The following NKX6-3 variants were observed in gnomAD, a reference collection of about 807,000 sequenced individuals.
The protein encoded by NKX6-3 is homeobox protein Nkx-6.3.
In NKX6-3, 17 loss-of-function variants were observed where a neutral mutation model predicts 22.0. The ratio of observed to expected loss-of-function variants is 0.77; its 90% CI spans 0.53 to 1.16. The LOEUF (loss-of-function observed/expected upper bound fraction) is 1.16, where lower values mean the gene tolerates loss of function less well. NKX6-3 is among the 50% of genes most tolerant of loss of function. The pLI is 0.00. For missense variants in NKX6-3, 363 were observed against 359.0 expected, an observed-to-expected ratio of 1.01 and a Z score of -0.09; for synonymous variants, 177 against 167.2, an observed-to-expected ratio of 1.06 and a Z score of -0.45.
intron 2 of NKX6-3, among the ~76,000 whole-genome samples, chr8:41,647,513 C>G (rs942363705): frequency 3.3e-5 from 5 of 152,222 alleles, no homozygotes; most frequent in Non-Finnish European, 5.9e-5. Context: ...CTCCCTAGCC[C>G]TGGCGTGGGC....
intron 2 of NKX6-3, 115 bp from the exon 3 acceptor site, chr8:41,646,809 TCAC>T: frequency 1.4e-6 from 2 of 1,394,998 alleles, no homozygotes; most frequent in Non-Finnish European, 1.9e-6. Context: ...ACTGTCACAT[TCAC>T]GTTTCTGTTG....
In NKX6-3 at chr8:41,648,149, T is replaced by C; in HGVS notation, c.469A>G (p.Thr157Ala). The part of the protein sequence containing the change: ...TGHQIFALEK[T>A]FEQTKYLAGP... The stretch of plus-strand genomic sequence containing the variant: ...GCCAAGTACTTGGTCTGCTCAAAGG[T>C]TTTCTCCAGGGCAAAGATCTGGTGC... Residue 157 changes from threonine to alanine, a missense_variant, in exon 2 of 3, where the codon ACC (threonine) becomes GCC (alanine). Around this residue, in one of 3 missense-constraint regions of NKX6-3, gnomAD observed 169 missense variants for 155.8 expected, o/e 1.08. Transcript: ENST00000518699. 3 of 1,538,372 alleles carry C rather than the reference T, an allele frequency of 2.0e-6. No individual in the cohort carries two copies. The highest frequency in any genetic ancestry group is 2.6e-6 in the Non-Finnish European group (3 of 1,146,828).
At chr8:41,647,248 C>T (rs763544580) in intron 2 of NKX6-3, 24 of 1,611,366 alleles carry the variant, frequency 1.5e-5, no homozygotes, top group Non-Finnish European at 2.0e-5. Flanking sequence ...AGCTCTCGCC[C>T]CAGGGCAGCT....
chr8:41,647,766 GCT>G (rs1804242405), intron 2 of NKX6-3, among the ~76,000 whole-genome samples: 1 of 152,050 alleles, frequency 6.6e-6, no homozygotes, highest in African/African-American at 2.4e-5. Flanking sequence ...AGCTCTCCCA[GCT>G]CTCCCAGCCG....
chr8:41,646,470 G>A lies in NKX6-3; in HGVS notation c.777C>T (p.Ser259=), dbSNP rs1473517544. Residue 259 remains serine (S), a synonymous_variant, in exon 3 of 3, where the codon AGC becomes AGT. Transcript: ENST00000518699. ...RKHRAAFSVL[S]LGAHSV is the part of the protein sequence containing the mutation. The stretch of plus-strand genomic sequence containing the variant: ...GGCGTCAGACGCTGTGCGCTCCCAG[G>A]CTGAGCACCGAGAAGGCGGCGCGGT... 1 of 1,604,738 alleles carries A rather than the reference G, an allele frequency of 6.2e-7. No homozygotes were observed. The highest frequency in any genetic ancestry group is 1.1e-5 in the South Asian group (1 of 89,474).
At position 41,646,342 on chromosome 8, in the gene NKX6-3, G is replaced by A. The variant is rs1291553635; in HGVS notation, c.*107C>T. On this transcript the variant is annotated 3_prime_UTR_variant, in exon 3 of 3. Transcript: ENST00000518699. ...TCCACGCGCCCCTCATCCAAAGAAA[G>A]ACTCAGTCCCTGCGCCCCCAGGAGC... 1 of 1,269,716 alleles carries A rather than the reference G, an allele frequency of 7.9e-7. No individual in the cohort carries two copies. Among genetic ancestry groups the A allele is most frequent in the Non-Finnish European group, 1.1e-6 (1 of 935,316 alleles). 78.7% of individuals were successfully genotyped at this position (1,269,716 alleles called of 1,614,324 possible). A position where few individuals can be genotyped will look rare whatever the true frequency, so the allele number is the denominator to read the frequency against.
In NKX6-3 at chr8:41,650,416, A is replaced by G. The variant is rs1222389959; in HGVS notation, c.77T>C (p.Val26Ala). 1 of 1,535,542 alleles carries G rather than the reference A, an allele frequency of 6.5e-7. No individual in the cohort carries two copies. The highest frequency in any genetic ancestry group is 8.7e-7 in the Non-Finnish European group (1 of 1,146,728). Reference protein sequence around the residue: ...LAQFPEMKAPVCQYSVQNSFY... With the variant: ...LAQFPEMKAPACQYSVQNSFY... ...GGAGTTCTGCACAGAGTACTGGCAC[A>G]CCGGGGCCTTCATCTCCGGAAACTG... Residue 26 changes from valine (V) to alanine (A), a missense_variant, in exon 1 of 3, where the codon GTG (valine) becomes GCG (alanine). Coordinates refer to ENST00000518699, the MANE Select transcript of NKX6-3 (RefSeq NM_001364841.2).
At position 41,645,829 on chromosome 8, in the gene NKX6-3, C is replaced by T. The variant is rs1804188877; in HGVS notation, c.*620G>A. 1 of 152,788 alleles carries T rather than the reference C, an allele frequency of 6.5e-6. No homozygotes were observed. Among genetic ancestry groups the T allele is most frequent in the African/African-American group, 2.4e-5 (1 of 41,466 alleles). 9.5% of individuals were successfully genotyped at this position (152,788 alleles called of 1,614,324 possible). On this transcript the variant is annotated 3_prime_UTR_variant, in exon 3 of 3. Coordinates refer to ENST00000518699, the MANE Select transcript of NKX6-3 (RefSeq NM_001364841.2). ...TTCTCCACTGGGATGTCCCACTTCC[C>T]CTCCTGGAGGCAGATTTCCTGCAGC... is the stretch of plus-strand genomic sequence containing the variant.
In NKX6-3 at chr8:41,650,478, C is replaced by A. The variant is rs779958298; in HGVS notation, c.15G>T (p.Leu5=). The A allele has an allele frequency of 6.5e-7, 1 of 1,535,540 alleles. No homozygotes were observed. The highest frequency in any genetic ancestry group is 1.2e-5 in the South Asian group (1 of 83,972). ...TGTTGTTCAGCAGGAACGTCCCCTGCAGGTTGGACTCCATGATCTCCCAGT... is the reference window on the plus strand; with the variant it reads ...TGTTGTTCAGCAGGAACGTCCCCTGAAGGTTGGACTCCATGATCTCCCAGT... MESN[L]QGTFLLNNTP... Residue 5 remains leucine, a synonymous_variant, in exon 1 of 3, where the codon CTG becomes CTT. Transcript: ENST00000518699.
rs550433049 is a variant in NKX6-3 at position 41,650,232 on chromosome 8, C to A, written c.261G>T (p.Gly87=). 2.1e-3 allele frequency: 3,254 copies of A among 1,533,386 alleles called. 9 individuals carry two copies. The highest frequency in any genetic ancestry group is 5.0e-3 in the Middle Eastern group (30 of 5,968). 95.0% of individuals were successfully genotyped at this position (1,533,386 alleles called of 1,614,324 possible). A position where few individuals can be genotyped will look rare whatever the true frequency, so the allele number is the denominator to read the frequency against. Residue 87 remains glycine, a synonymous_variant, in exon 1 of 3, where the codon GGG becomes GGT. Coordinates refer to ENST00000518699, the MANE Select transcript of NKX6-3 (RefSeq NM_001364841.2). ...TCCCTACCTGGGGGCTGTAGTAGAC[C>A]CCCTGCGAGCTGAGCCCCCCAAAGC... ...VAGFGGLSSQ[G]VYYSPQVGNF...
chr8:41,646,418 C>A lies in NKX6-3; in HGVS notation c.*31G>T, dbSNP rs58895504. On this transcript the variant is annotated 3_prime_UTR_variant, in exon 3 of 3. Transcript: ENST00000518699. ...CTCCTCGGCGTCCCCCCGCAGGCTG[C>A]AGCCAGGATCCCGGGCCTGGACGGC... 0.035 allele frequency: 54,199 copies of A among 1,566,874 alleles called. 1,302 individuals are homozygous for A. The highest frequency in any genetic ancestry group is 0.12 in the African/African-American group (8,672 of 74,132).
At position 41,646,437 on chromosome 8, in the gene NKX6-3, G is replaced by A; in HGVS notation, c.*12C>T. 2 of 1,584,748 alleles carry A rather than the reference G, an allele frequency of 1.3e-6. No homozygotes were observed. The highest frequency in any genetic ancestry group is 1.7e-6 in the Non-Finnish European group (2 of 1,169,262). On this transcript the variant is annotated 3_prime_UTR_variant, in exon 3 of 3. Coordinates refer to ENST00000518699, the MANE Select transcript of NKX6-3 (RefSeq NM_001364841.2). Reference sequence around the variant, plus strand: ...AGGCTGCAGCCAGGATCCCGGGCCTGGACGGCGGGCGTCAGACGCTGTGCG... The same window carrying A: ...AGGCTGCAGCCAGGATCCCGGGCCTAGACGGCGGGCGTCAGACGCTGTGCG...
rs979202051 is a variant in NKX6-3, at chr8:41,646,322, G to C, written c.*127C>G. ...CCTGCACCTGCTGCTCCTCCTCCAC[G>C]CGCCCCTCATCCAAAGAAAGACTCA... On this transcript the variant is annotated 3_prime_UTR_variant, in exon 3 of 3. Transcript: ENST00000518699. 1.7e-6 allele frequency: 2 copies of C among 1,208,020 alleles called. No homozygotes were observed. Among genetic ancestry groups the C allele is most frequent in the Non-Finnish European group, 1.1e-6 (1 of 904,360 alleles). The allele number at this position is 1,208,020 out of a possible 1,614,324, so 74.8% of individuals were successfully genotyped here. A position where few individuals can be genotyped will look rare whatever the true frequency, so the allele number is the denominator to read the frequency against.
intron 1 of NKX6-3, 127 bp from the exon 2 acceptor site, chr8:41,648,362 C>G: frequency 1.3e-6 from 1 of 785,736 alleles, no homozygotes; most frequent in Non-Finnish European, 2.0e-6. Flanking sequence ...CACCAAGATT[C>G]CTTTCCCCTG....
At chr8:41,647,216 G>T in intron 2 of NKX6-3, 1 of 1,612,910 alleles carries the variant, frequency 6.2e-7, no homozygotes, top group East Asian at 2.2e-5. Flanking sequence ...AAGACATGCA[G>T]GAGTGTCTGC....
chr8:41,646,763 C>T lies in NKX6-3; in HGVS notation c.553-69G>A. 1.1e-5 allele frequency: 17 copies of T among 1,502,254 alleles called. No individual in the cohort carries two copies. The South Asian group carries it at 2.0e-4, about 18-fold the overall frequency. 93.1% of individuals were successfully genotyped at this position (1,502,254 alleles called of 1,614,324 possible). ...ACGGGACGCGAGAACAGCCATCCTG[C>T]TTTTACAGCTAAACAAATGGCTCAA... On this transcript the variant is annotated intron_variant, in intron 2 of 2. Coordinates refer to ENST00000518699, the MANE Select transcript of NKX6-3 (RefSeq NM_001364841.2).
chr8:41,647,822 C>G (rs1055599666), intron 2 of NKX6-3, among the ~76,000 whole-genome samples: 1 of 152,110 alleles, frequency 6.6e-6, no homozygotes, highest in Non-Finnish European at 1.5e-5. Context: ...TGATACCGAC[C>G]CCCCGGGTTG....
chr8:41,647,066 C>G, intron 2 of NKX6-3: 1 of 1,042,952 alleles, frequency 9.6e-7, no homozygotes, highest in Non-Finnish European at 1.4e-6. Flanking sequence ...TTGGAAGGTG[C>G]TTATGAGCAG....
intron 2 of NKX6-3, 121 bp from the exon 3 acceptor site, chr8:41,646,815 T>C: frequency 7.3e-7 from 1 of 1,364,194 alleles, no homozygotes; most frequent in Non-Finnish European, 9.8e-7. Flanking sequence ...ACATTCACGT[T>C]TCTGTTGGGG....
Sources: gnomAD v4.1 joint callset for allele counts (sites outside exome capture counted in the v4.1 genomes callset) on GRCh38, gnomAD v4.1.1 for gene constraint, gnomAD v4.1.1 regional missense constraint, MANE v1.5 for transcripts, NCBI Gene and HGNC (gene_info 2026-07-23, HGNC 2026-07-21) for gene names.